NDUFB5: variants seen among roughly 807,000 people sequenced by gnomAD.
The protein encoded by NDUFB5 is NADH dehydrogenase [ubiquinone] 1 beta subcomplex subunit 5, mitochondrial.
Under a neutral mutation model 19.4 loss-of-function variants are expected in NDUFB5, and 19 were observed. That is an observed-to-expected ratio of 0.98 (90% CI 0.68 to 1.43). NDUFB5 has a LOEUF of 1.43. Ranked by LOEUF, NDUFB5 falls within the 40% of genes most tolerant of loss-of-function variation. The pLI, the probability that NDUFB5 is intolerant of heterozygous loss-of-function variation, is 0.00. For missense variants in NDUFB5, 233 were observed against 236.5 expected, an observed-to-expected ratio of 0.99 and a Z score of 0.10; for synonymous variants, 80 against 82.6, an observed-to-expected ratio of 0.97 and a Z score of 0.17.
chr3:179,606,540 A>C (rs1446903741), intron 1 of NDUFB5, among the ~76,000 whole-genome samples: 1 of 152,048 alleles, frequency 6.6e-6, no homozygotes, highest in Admixed American at 6.6e-5. Context: ...GGGTTTCATC[A>C]TGTTGGCTAG....
In NDUFB5 at chr3:179,624,054, C is replaced by T; in HGVS notation, c.*14C>T. 1 of 1,607,040 alleles carries T rather than the reference C, an allele frequency of 6.2e-7. No individual in the cohort carries two copies. The highest frequency in any genetic ancestry group is 2.2e-5 in the East Asian group (1 of 44,746). On this transcript the variant is annotated 3_prime_UTR_variant, in exon 6 of 6. Transcript: ENST00000259037. ...CCTGACAATTAAGCATTTTTTTCTC[C>T]AAATACAAAGTATATTCTCTTTATT...
intron 1 of NDUFB5, among the ~76,000 whole-genome samples, chr3:179,612,149 C>A (rs1337601293): frequency 1.3e-5 from 2 of 151,784 alleles, no homozygotes; most frequent in Non-Finnish European, 2.9e-5. Flanking sequence ...GCAGATGGCC[C>A]TACTACATCA....
At chr3:179,607,595 A>T (rs1719137123) in intron 1 of NDUFB5, among the ~76,000 whole-genome samples, 1 of 152,220 alleles carries the variant, frequency 6.6e-6, no homozygotes, top group Admixed American at 6.5e-5. Context: ...TACACATAAC[A>T]TTTACTATTT....
chr3:179,618,934 G>A (rs1719454239), intron 5 of NDUFB5, among the ~76,000 whole-genome samples: 2 of 152,112 alleles, frequency 1.3e-5, no homozygotes. Flanking sequence ...ACTATTAGGA[G>A]ATATGTGTCA....
rs1464568780 is a variant in NDUFB5, at chr3:179,604,916, C to G, written c.101C>G (p.Thr34Ser). 6.3e-7 allele frequency: 1 copy of G among 1,587,404 alleles called. No individual in the cohort carries two copies. Among genetic ancestry groups the G allele is most frequent in the South Asian group, 1.1e-5 (1 of 87,576 alleles). The change falls in exon 1 of 6, where the codon ACT becomes AGT. Residue 34 changes from threonine to serine, a missense_variant. By Grantham distance (58) the Thr-to-Ser change is moderately conservative. Transcript: ENST00000259037. ...CGCCTCGGATTTGGGGGCTTCCTCA[C>G]TCGTGGCTTTCCGAAGGCTGCTGGT... ...GTRLGFGGFL[T>S]RGFPKAAAPV... is the part of the protein sequence containing the mutation.
At chr3:179,620,769 A>G (rs1173590030) in intron 5 of NDUFB5, among the ~76,000 whole-genome samples, 1 of 152,060 alleles carries the variant, frequency 6.6e-6, no homozygotes, top group Non-Finnish European at 1.5e-5. Context: ...ATTTTCCCCC[A>G]TATTGTTTGC....
At chr3:179,608,437 C>T (rs1051840004) in intron 1 of NDUFB5, among the ~76,000 whole-genome samples, 3 of 152,138 alleles carry the variant, frequency 2.0e-5, no homozygotes, top group African/African-American at 7.2e-5. Context: ...AGGTGATCCG[C>T]CCGCCTTGGC....
At chr3:179,606,375 G>A (rs1247865229) in intron 1 of NDUFB5, among the ~76,000 whole-genome samples, 1 of 152,026 alleles carries the variant, frequency 6.6e-6, no homozygotes, top group Non-Finnish European at 1.5e-5. Flanking sequence ...GTCTTGCTCT[G>A]TTGCCCAGGC....
In NDUFB5 at chr3:179,623,964, A is replaced by T. The variant is rs1188186483; in HGVS notation, c.494A>T (p.Asp165Val). Residue 165 changes from aspartate to valine, a missense_variant, in exon 6 of 6, where the codon GAT (aspartate) becomes GTT (valine). Physicochemically the swap from Asp to Val is radical, Grantham distance 152. Transcript: ENST00000259037. ...CGAAAATTGATGCATGTGAGAGGAG[A>T]TGGACCCTGGTATTACTATGAGACA... ...EVRKLMHVRGDGPWYYYETID... is the reference protein window; with the variant it reads ...EVRKLMHVRGVGPWYYYETID... 6.2e-7 allele frequency: 1 copy of T among 1,613,362 alleles called. No homozygotes were observed.
At chr3:179,606,474 G>A (rs1487943304) in intron 1 of NDUFB5, among the ~76,000 whole-genome samples, 1 of 152,024 alleles carries the variant, frequency 6.6e-6, no homozygotes, top group Non-Finnish European at 1.5e-5. Flanking sequence ...GAGTAGCTGG[G>A]ATTACAGTTG....
At chr3:179,614,097 A>G (rs1719315951) in intron 1 of NDUFB5, among the ~76,000 whole-genome samples, 1 of 152,216 alleles carries the variant, frequency 6.6e-6, no homozygotes. Context: ...TTACACAGTG[A>G]AAAGATAGGA....
chr3:179,619,086 G>A (rs1042775667), intron 5 of NDUFB5, among the ~76,000 whole-genome samples: 13 of 151,686 alleles, frequency 8.6e-5, no homozygotes, highest in African/African-American at 1.5e-4. Flanking sequence ...AGGGATATAT[G>A]CTGTTATGGA....
chr3:179,618,416 A>G lies in NDUFB5; in HGVS notation c.344A>G (p.His115Arg). The G allele has an allele frequency of 6.3e-7, 1 of 1,591,742 alleles. No individual in the cohort carries two copies. Among genetic ancestry groups the G allele is most frequent in the Non-Finnish European group, 8.6e-7 (1 of 1,167,332 alleles). ...TATTAAACGAATTTTCTCTTGTAGC[A>G]TCCCATATCAAGATGGATTGCCCGT... is the stretch of plus-strand genomic sequence containing the variant. ...YVPEHWEYYK[H>R]PISRWIARNF... The change falls in exon 5 of 6, where the codon CAT becomes CGT. Residue 115 changes from histidine (H) to arginine (R), a missense_variant and splice_region_variant. Coordinates refer to ENST00000259037, the MANE Select transcript of NDUFB5 (RefSeq NM_002492.4).
intron 1 of NDUFB5, among the ~76,000 whole-genome samples, chr3:179,613,209 C>T (rs1270744448): frequency 6.6e-6 from 1 of 151,842 alleles, no homozygotes; most frequent in Non-Finnish European, 1.5e-5. Context: ...TGCTGCAGGG[C>T]TTTTGAGAGA....
intron 1 of NDUFB5, among the ~76,000 whole-genome samples, chr3:179,611,208 G>A (rs760873345): frequency 1.3e-5 from 2 of 152,154 alleles, no homozygotes; most frequent in Non-Finnish European, 2.9e-5. Flanking sequence ...TGGCTTATAG[G>A]GGATGTTGAT....
chr3:179,622,770 G>A (rs1719572931), intron 5 of NDUFB5, among the ~76,000 whole-genome samples: 1 of 152,162 alleles, frequency 6.6e-6, no homozygotes, highest in Admixed American at 6.5e-5. Context: ...AAGTGAGCTG[G>A]TTGAGGTTCA....
At position 179,610,896 on chromosome 3, in the gene NDUFB5, T is replaced by C. The variant is rs192164699; in HGVS notation, c.125-4075T>C. On this transcript the variant is annotated intron_variant, in intron 1 of 5. Coordinates refer to ENST00000259037, the MANE Select transcript of NDUFB5 (RefSeq NM_002492.4). ...TATTAATATGGATGTATAAACAGAG[T>C]GCTGTGGAGTTAATCCAGACATGGA... Among the ~76,000 whole-genome samples, 19 of 152,240 alleles carry C rather than the reference T, an allele frequency of 1.2e-4. No individual in the cohort carries two copies. In the East Asian group the frequency reaches 3.7e-3, roughly 29 times the overall value.
chr3:179,608,775 G>C (rs1023090363), intron 1 of NDUFB5, among the ~76,000 whole-genome samples: 10 of 152,102 alleles, frequency 6.6e-5, no homozygotes, highest in Admixed American at 6.5e-5. Context: ...GCTAAATCAC[G>C]GAGGTTTGGG....
chr3:179,612,017 G>A (rs1002389979), intron 1 of NDUFB5, among the ~76,000 whole-genome samples: 6 of 150,984 alleles, frequency 4.0e-5, no homozygotes, highest in Non-Finnish European at 8.9e-5. Context: ...GTCTAGCTAT[G>A]TTGCTCAGGC....
Sources: allele counts gnomAD v4.1 joint callset (sites outside exome capture counted in the v4.1 genomes callset), GRCh38; gene constraint gnomAD v4.1.1; transcripts MANE v1.5; gene names NCBI Gene and HGNC (gene_info 2026-07-23, HGNC 2026-07-21).